The following C3orf20 variants were observed in gnomAD, a reference collection of about 807,000 sequenced individuals.
C3orf20 encodes family with sequence similarity 149 member C.
Under a neutral mutation model 88.3 loss-of-function variants are expected in C3orf20, and 76 were observed. That is an observed-to-expected ratio of 0.86 (90% CI 0.72 to 1.04). The LOEUF (loss-of-function observed/expected upper bound fraction) is 1.04. C3orf20 is among the 50% of genes least tolerant of loss of function. The pLI is 0.00. For synonymous variants in C3orf20, 436 were observed against 437.4 expected (o/e 1.00, Z 0.04); for missense variants, 1,056 against 1,123.3 (o/e 0.94, Z 0.86).
At chr3:14,681,242 C>T (rs2032072405) in intron 1 of C3orf20, among the ~76,000 whole-genome samples, 1 of 152,208 alleles carries the variant, frequency 6.6e-6, no homozygotes, top group Non-Finnish European at 1.5e-5. Context: ...TGGCTGTGAG[C>T]CTGCCCTGTA....
Position 14,772,080 on chromosome 3 carries a change from G to C in C3orf20, c.2509G>C (p.Val837Leu), listed in dbSNP as rs2035873063. Residue 837 changes from valine (V) to leucine (L), a missense_variant, in exon 16 of 17, where the codon GTC becomes CTC. By Grantham distance (32) the Val-to-Leu change is conservative. Coordinates refer to ENST00000253697, the MANE Select transcript of C3orf20 (RefSeq NM_032137.5). This position sits in a 1 kb window ranked among gnomAD's most constrained non-coding sequence, Gnocchi z 4.2. ...CCTCCCCTGCAGTGTTCCCAACTCT[G>C]TCCTGAGCCTGGAGGATTCTGAATC... Reference protein sequence around the residue: ...DDYKFSVPNSVLSLEDSESVK... With the variant: ...DDYKFSVPNSLLSLEDSESVK... 1 of 1,614,060 alleles carries C rather than the reference G, an allele frequency of 6.2e-7. No homozygotes were observed. Among genetic ancestry groups the C allele is most frequent in the Admixed American group, 1.7e-5 (1 of 60,000 alleles).
intron 12 of C3orf20, among the ~76,000 whole-genome samples, chr3:14,754,511 A>G (rs1003242296): frequency 6.6e-6 from 1 of 152,190 alleles, no homozygotes; most frequent in African/African-American, 2.4e-5. Context: ...TCTCTTACCA[A>G]AATTTAGCAG....
At chr3:14,750,221 C>T (rs1032583642) in intron 12 of C3orf20, among the ~76,000 whole-genome samples, 8 of 152,108 alleles carry the variant, frequency 5.3e-5, no homozygotes, top group African/African-American at 1.9e-4. Context: ...TTACTTTCTC[C>T]TTCATTTTTG....
At chr3:14,743,041 A>C (rs1458426583) in intron 12 of C3orf20, among the ~76,000 whole-genome samples, 2 of 151,884 alleles carry the variant, frequency 1.3e-5, no homozygotes, top group African/African-American at 4.9e-5. Context: ...TCATGTCCTC[A>C]CATTTCAAAA....
chr3:14,690,961 C>T (rs954751816), intron 5 of C3orf20, among the ~76,000 whole-genome samples: 3 of 152,254 alleles, frequency 2.0e-5, no homozygotes, highest in African/African-American at 7.2e-5. Context: ...TTTGACCCGC[C>T]TTCCTCAGCC....
chr3:14,745,675 A>T (rs1215362623), intron 12 of C3orf20, among the ~76,000 whole-genome samples: 1 of 152,218 alleles, frequency 6.6e-6, no homozygotes, highest in East Asian at 1.9e-4. Context: ...TGCATTTATA[A>T]TTTTAAGAGA....
chr3:14,719,069 G>T (rs1186286435), intron 9 of C3orf20, among the ~76,000 whole-genome samples: 1 of 151,342 alleles, frequency 6.6e-6, no homozygotes, highest in Non-Finnish European at 1.5e-5. Flanking sequence ...TTTGAATTTT[G>T]ACTCCTCTTC....
chr3:14,728,297 G>A (rs2034424732), intron 11 of C3orf20, 142 bp from the exon 12 acceptor site: 1 of 899,954 alleles, frequency 1.1e-6, no homozygotes. Flanking sequence ...GACAGCAGAG[G>A]GGAGGTGCCG....
At chr3:14,683,231 C>T (rs773950925) in intron 3 of C3orf20, 34 bp downstream of exon 3, 1 of 1,530,522 alleles carries the variant, frequency 6.5e-7, no homozygotes, top group South Asian at 1.3e-5. Flanking sequence ...GTGCCCACCA[C>T]ACCCACTACA....
intron 7 of C3orf20, among the ~76,000 whole-genome samples, chr3:14,705,354 TCTC>T (rs1354615598): frequency 6.6e-6 from 1 of 152,172 alleles, no homozygotes; most frequent in Non-Finnish European, 1.5e-5. Flanking sequence ...AAAAGACAAA[TCTC>T]CTTGGAGGGT....
intron 9 of C3orf20, among the ~76,000 whole-genome samples, chr3:14,720,790 G>T (rs142894440): frequency 1.3e-5 from 2 of 152,348 alleles, no homozygotes; most frequent in African/African-American, 4.8e-5. Flanking sequence ...GACAATATCT[G>T]CTCATGCTGG....
In C3orf20 at chr3:14,772,216, C is replaced by T; in HGVS notation, c.2630+15C>T. 6.2e-7 allele frequency: 1 copy of T among 1,614,188 alleles called. No homozygotes were observed. Among genetic ancestry groups the T allele is most frequent in the Non-Finnish European group, 8.5e-7 (1 of 1,180,014 alleles). On this transcript the variant is annotated intron_variant, in intron 16 of 16. Coordinates refer to ENST00000253697, the MANE Select transcript of C3orf20 (RefSeq NM_032137.5). The surrounding 1 kb of genome is among the most constrained non-coding windows in gnomAD (Gnocchi z 4.2). Reference sequence around the variant, plus strand: ...GAGGCTGAGAAGTAGGTGACCACATCAGCTGCCAGAATGGGCGTGGCTCAC... The same window carrying T: ...GAGGCTGAGAAGTAGGTGACCACATTAGCTGCCAGAATGGGCGTGGCTCAC...
chr3:14,704,424 A>C lies in C3orf20; in HGVS notation c.966A>C (p.Leu322=). The change falls in exon 7 of 17, where the codon CTA becomes CTC. Residue 322 remains leucine (L), a synonymous_variant. Transcript: ENST00000253697. ...ACAAGGCAAAGATGCCCTCTCATCT[A>C]ATGTTGGCCCGCAAAGGAGACTCTC... The part of the protein sequence containing the change: ...RNYKAKMPSH[L]MLARKGDSQT... 2.5e-6 allele frequency: 4 copies of C among 1,614,076 alleles called. No individual in the cohort carries two copies. Among genetic ancestry groups the C allele is most frequent in the Non-Finnish European group, 3.4e-6 (4 of 1,180,010 alleles).
intron 4 of C3orf20, 115 bp from the exon 5 acceptor site, chr3:14,689,882 A>T: frequency 7.3e-7 from 1 of 1,367,102 alleles, no homozygotes; most frequent in Non-Finnish European, 1.0e-6. Context: ...ACAATGCGGC[A>T]CTTTACAGTA....
intron 10 of C3orf20, among the ~76,000 whole-genome samples, chr3:14,723,444 G>A (rs573303360): frequency 6.6e-6 from 1 of 152,364 alleles, no homozygotes; most frequent in South Asian, 2.1e-4. Context: ...AGCAGGCCAA[G>A]TTGGCTGCTG....
chr3:14,710,318 T>C (rs2033688938), intron 7 of C3orf20, among the ~76,000 whole-genome samples: 2 of 152,170 alleles, frequency 1.3e-5, no homozygotes, highest in South Asian at 2.1e-4. Flanking sequence ...GTTTTGTTGG[T>C]TCTATTTTTC....
chr3:14,679,831 T>C (rs1369894105), intron 1 of C3orf20, among the ~76,000 whole-genome samples: 1 of 152,180 alleles, frequency 6.6e-6, no homozygotes, highest in African/African-American at 2.4e-5. Context: ...TAATTTAAAA[T>C]GACATTGCTT....
Position 14,704,371 on chromosome 3 carries a change from A to G in C3orf20, c.913A>G (p.Ile305Val). ...AERATWKGRN[I>V]SYPMILRNYK... ...AAGGGCCACATGGAAAGGGAGGAATATCTCCTACCCCATGATCTTACGAAA... is the reference window on the plus strand; with the variant it reads ...AAGGGCCACATGGAAAGGGAGGAATGTCTCCTACCCCATGATCTTACGAAA... Residue 305 changes from isoleucine to valine, a missense_variant, in exon 7 of 17, where the codon ATC (isoleucine) becomes GTC (valine). Coordinates refer to ENST00000253697, the MANE Select transcript of C3orf20 (RefSeq NM_032137.5). The G allele has an allele frequency of 1.2e-6, 2 of 1,614,088 alleles. No homozygotes were observed. Among genetic ancestry groups the G allele is most frequent in the African/African-American group, 1.3e-5 (1 of 75,002 alleles).
chr3:14,680,982 G>C (rs563908717), intron 1 of C3orf20, among the ~76,000 whole-genome samples: 1 of 152,358 alleles, frequency 6.6e-6, no homozygotes, highest in East Asian at 1.9e-4. Flanking sequence ...ACAAATAGGC[G>C]TAGGAAGCCA....
Sources: gnomAD v4.1 joint callset for allele counts (sites outside exome capture counted in the v4.1 genomes callset) on GRCh38, gnomAD v4.1.1 for gene constraint, Gnocchi (gnomAD v3.1) non-coding constraint, MANE v1.5 for transcripts, NCBI Gene and HGNC (gene_info 2026-07-23, HGNC 2026-07-21) for gene names.